RGS7: variants seen among roughly 807,000 people sequenced by gnomAD.
RGS7 encodes the protein regulator of G-protein signaling 7.
In RGS7, 27 loss-of-function variants were observed where a neutral mutation model predicts 81.1. That is an observed-to-expected ratio of 0.33 (90% CI 0.25 to 0.46). The LOEUF (loss-of-function observed/expected upper bound fraction) is 0.46, where lower values mean the gene tolerates loss of function less well. Ranked by LOEUF, RGS7 falls within the 20% of genes least tolerant of loss-of-function variation. The pLI, the probability that RGS7 is intolerant of heterozygous loss-of-function variation, is 1.00. For synonymous variants in RGS7, 208 were observed against 207.7 expected, an observed-to-expected ratio of 1.00 and a Z score of -0.01; for missense variants, 396 against 607.4, an observed-to-expected ratio of 0.65 and a Z score of 3.66.
chr1:240,793,586 A>AATATATATATATATATATAT (rs777839011), intron 18 of RGS7, among the ~76,000 whole-genome samples: 67 of 102,282 alleles, frequency 6.6e-4, no homozygotes, highest in East Asian at 1.3e-3. Flanking sequence ...GTGTAGTAGG[A>AATATATATATATATATATAT]ATATATATAT....
At chr1:241,238,677 CAT>C (rs1331855066) in intron 2 of RGS7, among the ~76,000 whole-genome samples, 7 of 151,976 alleles carry the variant, frequency 4.6e-5, no homozygotes, top group African/African-American at 1.2e-4. Context: ...TAGGATTACA[CAT>C]GTGTGTCACC....
chr1:241,251,162 A>T (rs1251498350), intron 2 of RGS7, among the ~76,000 whole-genome samples: 1 of 152,232 alleles, frequency 6.6e-6, no homozygotes, highest in African/African-American at 2.4e-5. Flanking sequence ...CTATTTTGAT[A>T]CTGAGAAAAT....
intron 2 of RGS7, among the ~76,000 whole-genome samples, chr1:241,239,158 C>T (rs1005279620): frequency 2.0e-5 from 3 of 151,610 alleles, no homozygotes; most frequent in Non-Finnish European, 2.9e-5. Context: ...TTAGTAGAGA[C>T]GGGTTTCATC....
chr1:240,777,340 T>C (rs1683133757), intron 18 of RGS7, among the ~76,000 whole-genome samples: 1 of 152,206 alleles, frequency 6.6e-6, no homozygotes, highest in African/African-American at 2.4e-5. Flanking sequence ...CTGGTTTTCA[T>C]TTCATGTCTT....
intron 3 of RGS7, among the ~76,000 whole-genome samples, chr1:241,051,606 C>T (rs1361387588): frequency 1.3e-5 from 2 of 152,036 alleles, no homozygotes; most frequent in Non-Finnish European, 2.9e-5. Context: ...CTTTCCTCTC[C>T]TTCTCTTGCT....
intron 18 of RGS7, among the ~76,000 whole-genome samples, chr1:240,799,486 C>G (rs930797574): frequency 2.0e-5 from 3 of 151,942 alleles, no homozygotes; most frequent in African/African-American, 7.3e-5. Context: ...CCCTAACACC[C>G]AGTAGAAATT....
intron 9 of RGS7, among the ~76,000 whole-genome samples, chr1:240,833,715 T>C (rs1694223810): frequency 6.6e-6 from 1 of 152,168 alleles, no homozygotes; most frequent in Non-Finnish European, 1.5e-5. Flanking sequence ...CCAGTAAGAA[T>C]GATCCCTTAT....
At chr1:240,926,441 T>C (rs115794964) in intron 6 of RGS7, among the ~76,000 whole-genome samples, 216 of 152,294 alleles carry the variant, frequency 1.4e-3, no homozygotes, top group African/African-American at 4.9e-3. Flanking sequence ...CCAAAGATCA[T>C]ATGGTTATAG....
At chr1:240,892,135 T>C (rs1052416164) in intron 6 of RGS7, among the ~76,000 whole-genome samples, 3 of 152,228 alleles carry the variant, frequency 2.0e-5, no homozygotes, top group African/African-American at 7.2e-5. Context: ...GTATGTATAA[T>C]GCATCATATA....
At chr1:240,908,235 G>T (rs912697400) in intron 6 of RGS7, among the ~76,000 whole-genome samples, 17 of 150,934 alleles carry the variant, frequency 1.1e-4, no homozygotes, top group East Asian at 7.9e-4. Context: ...CATTAGGAGA[G>T]ATACCTAATG....
chr1:241,312,652 G>A (rs1378079216), intron 2 of RGS7, among the ~76,000 whole-genome samples: 1 of 152,088 alleles, frequency 6.6e-6, no homozygotes, highest in African/African-American at 2.4e-5. Flanking sequence ...ACCAGCCGTT[G>A]CCCTGTGTCT....
intron 9 of RGS7, among the ~76,000 whole-genome samples, chr1:240,855,329 G>GAAAAAAAAAAA (rs140107478): frequency 8.7e-6 from 1 of 114,844 alleles, no homozygotes; most frequent in African/African-American, 3.6e-5. Flanking sequence ...AAAAAAAAAG[G>GAAAAAAAAAAA]AGAAACAAAG....
At chr1:241,002,453 CAAAA>C (rs56234845) in intron 3 of RGS7, among the ~76,000 whole-genome samples, 126 of 145,748 alleles carry the variant, frequency 8.6e-4, no homozygotes, top group Middle Eastern at 7.0e-3. Context: ...AACTCTGTCT[CAAAA>C]AAAAAAAAAA....
intron 9 of RGS7, among the ~76,000 whole-genome samples, chr1:240,833,215 T>A (rs1163399720): frequency 1.3e-5 from 2 of 152,154 alleles, no homozygotes; most frequent in Non-Finnish European, 2.9e-5. Flanking sequence ...AGAAGACTAC[T>A]AAGTGCCTAA....
intron 2 of RGS7, among the ~76,000 whole-genome samples, chr1:241,345,487 G>T (rs1016568173): frequency 2.6e-5 from 4 of 152,108 alleles, no homozygotes; most frequent in Non-Finnish European, 5.9e-5. Context: ...TCCCTGAGAA[G>T]AGTTTTTATA....
intron 18 of RGS7, among the ~76,000 whole-genome samples, chr1:240,795,975 C>T (rs947775024): frequency 2.3e-4 from 35 of 152,106 alleles, no homozygotes; most frequent in Admixed American, 1.5e-3. Context: ...TTTGCAGAGA[C>T]GGGGTCTTGC....
In RGS7 at chr1:241,315,107, C is replaced by CTTTTTTTTTTTTTTTTTTTTTTTTT. The variant is rs5782184; in HGVS notation, c.78+40567_78+40591dup. Among the ~76,000 whole-genome samples, 25 of 57,432 alleles carry CTTTTTTTTTTTTTTTTTTTTTTTTT rather than the reference C, an allele frequency of 4.4e-4. 1 individual carries two copies. Among genetic ancestry groups the CTTTTTTTTTTTTTTTTTTTTTTTTT allele is most frequent in the Non-Finnish European group, 5.9e-4 (20 of 34,032 alleles). The allele number at this position is 57,432 out of a possible 152,430, so 37.7% of individuals were successfully genotyped here. On this transcript the variant is annotated intron_variant, in intron 2 of 18. Coordinates refer to ENST00000440928, the MANE Select transcript of RGS7 (RefSeq NM_001364886.1). ...GAAGCTTTTTTTTTTTCTTCTTCTT[C>CTTTTTTTTTTTTTTTTTTTTTTTTT]TTTTTTTTTTTTTTTTTTTTTTTTT...
intron 18 of RGS7, among the ~76,000 whole-genome samples, chr1:240,777,052 T>C (rs975053271): frequency 4.3e-4 from 65 of 152,272 alleles, no homozygotes; most frequent in African/African-American, 1.5e-3. Flanking sequence ...CCCAGCATTT[T>C]GGGAGGCTGA....
At chr1:240,889,209 G>A (rs1235558305) in intron 6 of RGS7, among the ~76,000 whole-genome samples, 2 of 152,082 alleles carry the variant, frequency 1.3e-5, no homozygotes, top group Non-Finnish European at 2.9e-5. Context: ...TGCCCGCCTT[G>A]GCCTCCCAAA....
Sources: allele counts gnomAD v4.1 joint callset (sites outside exome capture counted in the v4.1 genomes callset), GRCh38; gene constraint gnomAD v4.1.1; transcripts MANE v1.5; gene names NCBI Gene and HGNC (gene_info 2026-07-23, HGNC 2026-07-21).